ZNF551: variants seen among roughly 807,000 people sequenced by gnomAD.
ZNF551 encodes KOX 23 protein (56 AA).
ZNF551 carries 5 observed loss-of-function variants against 7.9 expected under a neutral mutation model. The ratio of observed to expected loss-of-function variants is 0.63; its 90% CI spans 0.33 to 1.33. The LOEUF (loss-of-function observed/expected upper bound fraction) is 1.33, where lower values mean the gene tolerates loss of function less well. ZNF551 is among the 40% of genes most tolerant of loss of function. The probability of loss-of-function intolerance (pLI) is 0.05; values close to 1 mark genes in which losing one functional copy is unlikely to be tolerated. For synonymous variants in ZNF551, 287 were observed against 277.3 expected, an observed-to-expected ratio of 1.03 and a Z score of -0.35; for missense variants, 788 against 825.2, an observed-to-expected ratio of 0.95 and a Z score of 0.55.
In ZNF551 at chr19:57,687,438, A is replaced by G; in HGVS notation, c.1163A>G (p.Glu388Gly). ...LFRHQRVHSG[E>G]RPYQCCECGK... ...CGACACCAGAGAGTTCACTCTGGAG[A>G]AAGGCCTTATCAGTGCTGTGAGTGT... is the stretch of plus-strand genomic sequence containing the variant. The change falls in exon 3 of 3, where the codon GAA (glutamate) becomes GGA (glycine). Residue 388 changes from glutamate (E) to glycine (G), a missense_variant. Physicochemically the swap from Glu to Gly is moderately conservative, Grantham distance 98. Coordinates refer to ENST00000282296, the MANE Select transcript of ZNF551 (RefSeq NM_138347.5). 1.2e-6 allele frequency: 2 copies of G among 1,614,114 alleles called. No homozygotes were observed. Among genetic ancestry groups the G allele is most frequent in the Non-Finnish European group, 1.7e-6 (2 of 1,180,024 alleles).
In ZNF551 at chr19:57,688,341, CTG is replaced by C; in HGVS notation, c.*56_*57del. The C allele has an allele frequency of 1.5e-5, 23 of 1,563,174 alleles. No homozygotes were observed. Among genetic ancestry groups the C allele is most frequent in the East Asian group, 2.3e-5 (1 of 44,306 alleles). On this transcript the variant is annotated 3_prime_UTR_variant, in exon 3 of 3. Transcript: ENST00000282296. Reference sequence around the variant, plus strand: ...TTCAGTATAATAGCACTGGAGGAGACTGTGGTAGCCATCTTCGTAAATTTAAA... The same window carrying C: ...TTCAGTATAATAGCACTGGAGGAGACTGGTAGCCATCTTCGTAAATTTAAA...
intron 1 of ZNF551, among the ~76,000 whole-genome samples, chr19:57,684,487 G>C (rs1386834522): frequency 6.6e-6 from 1 of 152,150 alleles, no homozygotes; most frequent in East Asian, 1.9e-4. Flanking sequence ...TCTTCCAGGA[G>C]AGTTTCCTTA....
chr19:57,686,061 A>G (rs1022008045), intron 2 of ZNF551, among the ~76,000 whole-genome samples: 1 of 152,258 alleles, frequency 6.6e-6, no homozygotes, highest in East Asian at 1.9e-4. Flanking sequence ...ACTTCTTTTC[A>G]GTGTTGTTCA....
In ZNF551 at chr19:57,689,921, G is replaced by A. The variant is rs988575185; in HGVS notation, c.*1633G>A. ...CAAGAATAGAGAGAAGGATCATTCC[G>A]CGGTCCAGGGATGTGGCTTTTGTGA... On this transcript the variant is annotated 3_prime_UTR_variant, in exon 3 of 3. Coordinates refer to ENST00000282296, the MANE Select transcript of ZNF551 (RefSeq NM_138347.5). The A allele has an allele frequency of 5.9e-5, 9 of 152,098 alleles. No individual in the cohort carries two copies. Among genetic ancestry groups the A allele is most frequent in the Non-Finnish European group, 1.0e-4 (7 of 68,038 alleles). 9.4% of individuals were successfully genotyped at this position (152,098 alleles called of 1,614,324 possible).
chr19:57,687,422 A>G lies in ZNF551; in HGVS notation c.1147A>G (p.Arg383Gly), dbSNP rs151223503. Residue 383 changes from arginine to glycine, a missense_variant, in exon 3 of 3, where the codon AGA becomes GGA. By Grantham distance (125) the Arg-to-Gly change is moderately radical. Transcript: ENST00000282296. ...AAGCTCTAGCCTTTTTCGACACCAG[A>G]GAGTTCACTCTGGAGAAAGGCCTTA... ...RQSSSLFRHQ[R>G]VHSGERPYQC... The G allele has an allele frequency of 1.7e-5, 28 of 1,614,014 alleles. No individual in the cohort carries two copies. Among genetic ancestry groups the G allele is most frequent in the Middle Eastern group, 1.6e-4 (1 of 6,082 alleles).
rs373512544 is a variant in ZNF551 at position 57,682,148 on chromosome 19, G to A, written c.-16G>A. ...GTGAGCTGCGCCAGGCCCGGGATAG[G>A]GACTGTTGTGTTCGAATGCCCGCCC... is the stretch of plus-strand genomic sequence containing the variant. On this transcript the variant is annotated 5_prime_UTR_variant, in exon 1 of 3. Transcript: ENST00000282296. 1.9e-5 allele frequency: 29 copies of A among 1,546,822 alleles called. No individual in the cohort carries two copies. Among genetic ancestry groups the A allele is most frequent in the Admixed American group, 9.8e-5 (5 of 50,912 alleles).
At chr19:57,683,551 C>G (rs1305410063) in intron 1 of ZNF551, among the ~76,000 whole-genome samples, 1 of 152,106 alleles carries the variant, frequency 6.6e-6, no homozygotes, top group Non-Finnish European at 1.5e-5. Context: ...AGAATGGAGA[C>G]TTTTCCAAAA....
Position 57,688,588 on chromosome 19 carries a change from T to C in ZNF551, c.*300T>C. 2.7e-6 allele frequency: 1 copy of C among 370,214 alleles called. No homozygotes were observed. Among genetic ancestry groups the C allele is most frequent in the South Asian group, 5.0e-5 (1 of 20,186 alleles). 22.9% of individuals were successfully genotyped at this position (370,214 alleles called of 1,614,324 possible). On this transcript the variant is annotated 3_prime_UTR_variant, in exon 3 of 3. Transcript: ENST00000282296. ...CACAGTGCTCAGAGAAGCAAACCTCTGTACTCTCCCATTTGCTTGGGGAAA... is the reference window on the plus strand; with the variant it reads ...CACAGTGCTCAGAGAAGCAAACCTCCGTACTCTCCCATTTGCTTGGGGAAA...
chr19:57,688,435 A>G lies in ZNF551; in HGVS notation c.*147A>G, dbSNP rs1984660508. 9.7e-6 allele frequency: 11 copies of G among 1,137,272 alleles called. No homozygotes were observed. The highest frequency in any genetic ancestry group is 2.5e-5 in the East Asian group (1 of 40,100). The allele number at this position is 1,137,272 out of a possible 1,614,324, so 70.4% of individuals were successfully genotyped here. Reference sequence around the variant, plus strand: ...TATGTGGGAAGCTCTGAGGAGGTTCATTGTAATTTCTAATCTGCCGAGGCC... The same window carrying G: ...TATGTGGGAAGCTCTGAGGAGGTTCGTTGTAATTTCTAATCTGCCGAGGCC... On this transcript the variant is annotated 3_prime_UTR_variant, in exon 3 of 3. Transcript: ENST00000282296.
In ZNF551 at chr19:57,687,257, C is replaced by A. The variant is rs747835355; in HGVS notation, c.982C>A (p.Arg328Ser). The A allele has an allele frequency of 6.2e-7, 1 of 1,613,774 alleles. No individual in the cohort carries two copies. Among genetic ancestry groups the A allele is most frequent in the Non-Finnish European group, 8.5e-7 (1 of 1,179,988 alleles). The change falls in exon 3 of 3, where the codon CGT (arginine) becomes AGT (serine). Residue 328 changes from arginine to serine, a missense_variant. Transcript: ENST00000282296. ...HKSEFIHHQR[R>S]HTGGVRHECG... ...ATCTGAATTCATTCACCACCAGAGACGTCACACTGGAGGAGTGCGTCATGA... is the reference window on the plus strand; with the variant it reads ...ATCTGAATTCATTCACCACCAGAGAAGTCACACTGGAGGAGTGCGTCATGA...
At position 57,690,000 on chromosome 19, in the gene ZNF551, A is replaced by G. The variant is rs562095202; in HGVS notation, c.*1712A>G. 1 of 151,934 alleles carries G rather than the reference A, an allele frequency of 6.6e-6. No individual in the cohort carries two copies. The highest frequency in any genetic ancestry group is 1.5e-5 in the Non-Finnish European group (1 of 67,996). The allele number at this position is 151,934 out of a possible 1,614,324, so 9.4% of individuals were successfully genotyped here. On this transcript the variant is annotated 3_prime_UTR_variant, in exon 3 of 3. Transcript: ENST00000282296. ...GGCAACAGCCTTCATTGCTTGCCAAAATTTGCTGCCCCTGAGGCAAGGTTG... is the reference window on the plus strand; with the variant it reads ...GGCAACAGCCTTCATTGCTTGCCAAGATTTGCTGCCCCTGAGGCAAGGTTG...
At chr19:57,684,688 G>C (rs1348724049) in intron 1 of ZNF551, among the ~76,000 whole-genome samples, 1 of 152,150 alleles carries the variant, frequency 6.6e-6, no homozygotes, top group Non-Finnish European at 1.5e-5. Context: ...AGATGCAGCA[G>C]GGATGAATTT....
At position 57,687,252 on chromosome 19, in the gene ZNF551, A is replaced by G. The variant is rs1275268305; in HGVS notation, c.977A>G (p.Gln326Arg). ...CATAAATCTGAATTCATTCACCACCAGAGACGTCACACTGGAGGAGTGCGT... is the reference window on the plus strand; with the variant it reads ...CATAAATCTGAATTCATTCACCACCGGAGACGTCACACTGGAGGAGTGCGT... ...FIHKSEFIHH[Q>R]RRHTGGVRHE... is the part of the protein sequence containing the mutation. The change falls in exon 3 of 3, where the codon CAG becomes CGG. Residue 326 changes from glutamine to arginine, a missense_variant. Physicochemically the swap from Gln to Arg is conservative, Grantham distance 43. Coordinates refer to ENST00000282296, the MANE Select transcript of ZNF551 (RefSeq NM_138347.5). The G allele has an allele frequency of 6.2e-7, 1 of 1,614,208 alleles. No homozygotes were observed. The highest frequency in any genetic ancestry group is 8.5e-7 in the Non-Finnish European group (1 of 1,180,024).
At position 57,687,904 on chromosome 19, in the gene ZNF551, C is replaced by T. The variant is rs890293318; in HGVS notation, c.1629C>T (p.Arg543=). ...AATGTGGCAAATCTTTTAGACAGCG[C>T]TCTGGCCTCATTCAGCACCGGAGAC... ...CSECGKSFRQ[R]SGLIQHRRLH... The change falls in exon 3 of 3, where the codon CGC becomes CGT. Residue 543 remains arginine (R), a synonymous_variant. Transcript: ENST00000282296. 2 of 1,613,830 alleles carry T rather than the reference C, an allele frequency of 1.2e-6. No homozygotes were observed. Among genetic ancestry groups the T allele is most frequent in the Admixed American group, 1.7e-5 (1 of 59,986 alleles).
chr19:57,686,999 C>G lies in ZNF551; in HGVS notation c.724C>G (p.Gln242Glu), dbSNP rs202161643. 8 of 1,614,210 alleles carry G rather than the reference C, an allele frequency of 5.0e-6. No individual in the cohort carries two copies. In the South Asian group the frequency reaches 8.8e-5, roughly 18 times the overall value. ...CCACAAACACACACTTGTTCAGCAT[C>G]AGAGTGTCTGTTCTGAAGGAGGGCT... Reference protein sequence around the residue: ...SSHKHTLVQHQSVCSEGGLYE... With the variant: ...SSHKHTLVQHESVCSEGGLYE... Residue 242 changes from glutamine (Q) to glutamate (E), a missense_variant, in exon 3 of 3, where the codon CAG (glutamine) becomes GAG (glutamate). Coordinates refer to ENST00000282296, the MANE Select transcript of ZNF551 (RefSeq NM_138347.5).
intron 1 of ZNF551, among the ~76,000 whole-genome samples, chr19:57,683,745 T>G (rs1035785561): frequency 6.6e-6 from 1 of 152,054 alleles, no homozygotes; most frequent in Admixed American, 6.6e-5. Context: ...GTGTTCACGG[T>G]GAGGGTCGTA....
intron 1 of ZNF551, 65 bp downstream of exon 1, chr19:57,682,309 G>A (rs1490392342): frequency 1.7e-5 from 26 of 1,499,598 alleles, no homozygotes; most frequent in Non-Finnish European, 2.3e-5. Context: ...CCCAGTGAGG[G>A]ATGCCTGCTC....
chr19:57,688,396 TCA>T lies in ZNF551; in HGVS notation c.*109_*110del. 1 of 1,436,348 alleles carries T rather than the reference TCA, an allele frequency of 7.0e-7. No homozygotes were observed. Among genetic ancestry groups the T allele is most frequent in the Non-Finnish European group, 9.4e-7 (1 of 1,066,430 alleles). The allele number at this position is 1,436,348 out of a possible 1,614,324, so 89.0% of individuals were successfully genotyped here. ...TTGAGCACCCACAGTGGGGTATTCT[TCA>T]TAAGTTTCAGGTATGTGGGAAGCTC... On this transcript the variant is annotated 3_prime_UTR_variant, in exon 3 of 3. Coordinates refer to ENST00000282296, the MANE Select transcript of ZNF551 (RefSeq NM_138347.5).
intron 1 of ZNF551, among the ~76,000 whole-genome samples, 168 bp from the exon 2 acceptor site, chr19:57,685,094 G>C (rs760120864): frequency 3.3e-5 from 5 of 152,106 alleles, no homozygotes; most frequent in Non-Finnish European, 5.9e-5. Context: ...GTTGCTATTC[G>C]AGGACTCAGT....
Sources: gnomAD v4.1 joint callset for allele counts (sites outside exome capture counted in the v4.1 genomes callset) on GRCh38, gnomAD v4.1.1 for gene constraint, MANE v1.5 for transcripts, NCBI Gene and HGNC (gene_info 2026-07-23, HGNC 2026-07-21) for gene names.